PTK2: variants seen among roughly 807,000 people sequenced by gnomAD.
PTK2 encodes the protein protein tyrosine kinase 2.
A neutral mutation model predicts 150.1 loss-of-function variants in PTK2; 45 were observed. The observed-to-expected ratio is 0.30, with a 90% CI of 0.24 to 0.38. PTK2 has a LOEUF of 0.38. Ranked by LOEUF, PTK2 falls within the 10% of genes least tolerant of loss-of-function variation. The pLI is 1.00. For missense variants in PTK2, 919 were observed against 1,307.3 expected, an observed-to-expected ratio of 0.70 and a Z score of 4.58; for synonymous variants, 432 against 449.2, an observed-to-expected ratio of 0.96 and a Z score of 0.48.
chr8:140,915,179 G>T (rs1028020799), intron 2 of PTK2, among the ~76,000 whole-genome samples: 2 of 152,016 alleles, frequency 1.3e-5, no homozygotes, highest in Non-Finnish European at 1.5e-5. Flanking sequence ...TAAATAAACC[G>T]TCAGGTATGT....
chr8:140,947,220 T>C (rs1022054776), intron 1 of PTK2, among the ~76,000 whole-genome samples: 8 of 152,180 alleles, frequency 5.3e-5, no homozygotes, highest in Admixed American at 2.0e-4. Context: ...AACCCCAGCA[T>C]TGCTTTTTCC....
intron 2 of PTK2, among the ~76,000 whole-genome samples, chr8:140,910,686 T>A (rs2154607985): frequency 6.6e-6 from 1 of 152,266 alleles, no homozygotes. Flanking sequence ...AAATCATCAA[T>A]CACTGAAAGA....
At position 140,731,188 on chromosome 8, in the gene PTK2, G is replaced by A. The variant is rs556966779; in HGVS notation, c.2030+4063C>T. Among the ~76,000 whole-genome samples, 3 of 152,166 alleles carry A rather than the reference G, an allele frequency of 2.0e-5. No homozygotes were observed. In the East Asian group the frequency reaches 5.8e-4, roughly 29 times the overall value. On this transcript the variant is annotated intron_variant, in intron 22 of 31. Transcript: ENST00000522684. Reference sequence around the variant, plus strand: ...TTGGCCAGGTTTGTCTCGAGCTCCTGACCTCAGGTGATCCACCTGCCTCGG... The same window carrying A: ...TTGGCCAGGTTTGTCTCGAGCTCCTAACCTCAGGTGATCCACCTGCCTCGG...
At chr8:140,721,874 C>T (rs529724180) in intron 22 of PTK2, 4 of 152,324 alleles carry the variant, frequency 2.6e-5, no homozygotes, top group Admixed American at 6.5e-5. Context: ...TCTCCTTATT[C>T]TCTTCCAAAG....
At position 140,662,977 on chromosome 8, in the gene PTK2, G is replaced by A. The variant is rs147078517; in HGVS notation, c.2946+1940C>T. ...AGGAGGCTGAAGAAAGCAACACCAC[G>A]TGCAAAGTGTAATCCTGGTCTGGCT... On this transcript the variant is annotated intron_variant, in intron 31 of 31. Coordinates refer to ENST00000522684, the Ensembl canonical transcript of PTK2. The A allele has an allele frequency of 6.1e-4, 251 of 408,536 alleles. 1 individual carries two copies. Among genetic ancestry groups the A allele is most frequent in the African/African-American group, 4.2e-3 (210 of 49,628 alleles). 25.3% of individuals were successfully genotyped at this position (408,536 alleles called of 1,614,324 possible).
chr8:140,776,246 G>A (rs908910535), intron 14 of PTK2, among the ~76,000 whole-genome samples: 15 of 152,108 alleles, frequency 9.9e-5, no homozygotes, highest in African/African-American at 3.4e-4. Context: ...CAGGTGATCC[G>A]CCCGCCTCGG....
intron 30 of PTK2, 131 bp downstream of exon 34, chr8:140,668,138 C>T (rs1020441340): frequency 4.7e-5 from 49 of 1,035,168 alleles, no homozygotes; most frequent in African/African-American, 6.4e-5. Context: ...ATGGTGCTTT[C>T]GTGAAGAGCT....
chr8:140,979,003 G>C (rs569277234), intron 1 of PTK2, among the ~76,000 whole-genome samples: 1 of 150,938 alleles, frequency 6.6e-6, no homozygotes, highest in Non-Finnish European at 1.5e-5. Flanking sequence ...GCAAACTATC[G>C]CAAGGACAAA....
At chr8:140,676,381 AATT>A (rs2100013664) in intron 27 of PTK2, among the ~76,000 whole-genome samples, 1 of 63,482 alleles carries the variant, frequency 1.6e-5, no homozygotes, top group African/African-American at 3.8e-5. Context: ...GTCTCAAAAA[AATT>A]AATTAATTAA....
intron 10 of PTK2, among the ~76,000 whole-genome samples, chr8:140,814,134 A>G (rs1030887324): frequency 6.6e-6 from 1 of 152,210 alleles, no homozygotes; most frequent in Non-Finnish European, 1.5e-5. Flanking sequence ...GTGACCAATA[A>G]TGAGCTCTGA....
chr8:140,950,372 G>A (rs1025339289), intron 1 of PTK2, among the ~76,000 whole-genome samples: 10 of 152,168 alleles, frequency 6.6e-5, no homozygotes, highest in African/African-American at 2.4e-4. Flanking sequence ...ATCCAGATGC[G>A]GGTTTCCACA....
intron 7 of PTK2, among the ~76,000 whole-genome samples, chr8:140,845,904 T>C (rs1339057243): frequency 1.3e-5 from 2 of 152,242 alleles, no homozygotes; most frequent in African/African-American, 4.8e-5. Context: ...TCCGTATCTC[T>C]ATTTGTGCAA....
At chr8:140,942,486 A>T (rs550242695) in intron 1 of PTK2, among the ~76,000 whole-genome samples, 5 of 152,322 alleles carry the variant, frequency 3.3e-5, no homozygotes, top group African/African-American at 1.2e-4. Context: ...AGATTACATA[A>T]ATGAATCAAG....
At chr8:140,833,646 A>G (rs2100116900) in intron 7 of PTK2, among the ~76,000 whole-genome samples, 1 of 152,218 alleles carries the variant, frequency 6.6e-6, no homozygotes, top group South Asian at 2.1e-4. Context: ...CTTTGAGCCC[A>G]AACTCTACAC....
chr8:140,925,520 G>T (rs1202454731), intron 2 of PTK2, 141 bp downstream of exon 2: 2 of 531,432 alleles, frequency 3.8e-6, no homozygotes, highest in African/African-American at 2.1e-5. Flanking sequence ...ATTATGACTT[G>T]GTTAAAATCA....
rs569512557 is a variant in PTK2, at chr8:140,997,146, T to C, written c.-122+3979A>G. ...AAAGTAAATGCAGATATGGTAGAAA[T>C]AGCAAGAGAACTAGAATTAGAAGTG... is the stretch of plus-strand genomic sequence containing the variant. On this transcript the variant is annotated intron_variant, in intron 1 of 31. Coordinates refer to ENST00000522684, the Ensembl canonical transcript of PTK2. 1.2e-4 allele frequency among the ~76,000 whole-genome samples: 19 copies of C among 152,316 alleles called. No individual in the cohort carries two copies. The East Asian group carries it at 1.9e-3, about 15-fold the overall frequency.
intron 7 of PTK2, chr8:140,833,003 A>G (rs1276881690): frequency 9.6e-6 from 5 of 518,932 alleles, no homozygotes; most frequent in Non-Finnish European, 1.9e-5. Flanking sequence ...TTTTTCTCAG[A>G]GCCAGGCATA....
chr8:140,996,612 A>C (rs1054085268), intron 1 of PTK2, among the ~76,000 whole-genome samples: 2 of 152,198 alleles, frequency 1.3e-5, no homozygotes, highest in African/African-American at 4.8e-5. Context: ...CAGGGTCCTT[A>C]AGAACGATGC....
intron 5 of PTK2, among the ~76,000 whole-genome samples, chr8:140,861,440 T>TA (rs1330668222): frequency 6.6e-6 from 1 of 152,142 alleles, no homozygotes; most frequent in African/African-American, 2.4e-5. Flanking sequence ...AGAGAAACTG[T>TA]AGAAATGAAT....
Sources: gnomAD v4.1 joint callset for allele counts (sites outside exome capture counted in the v4.1 genomes callset) on GRCh38, gnomAD v4.1.1 for gene constraint, MANE v1.5 for transcripts, NCBI Gene and HGNC (gene_info 2026-07-23, HGNC 2026-07-21) for gene names.